GPR143: variants seen among roughly 807,000 people sequenced by gnomAD.
GPR143 encodes G-protein coupled receptor 143.
In GPR143, 8 loss-of-function variants were observed where a neutral mutation model predicts 27.6. The ratio of observed to expected loss-of-function variants is 0.29; its 90% CI spans 0.17 to 0.52. The LOEUF is 0.52. Among genes scored for constraint, GPR143 ranks in the 20% least tolerant of loss-of-function variants. GPR143 has a pLI of 0.96. For synonymous variants in GPR143, 156 were observed against 153.2 expected (o/e 1.02, Z -0.13); for missense variants, 303 against 343.1 (o/e 0.88, Z 0.92).
chrX:9,765,720 C>G lies in GPR143; in HGVS notation c.98G>C (p.Cys33Ser). 8.9e-7 allele frequency: 1 copy of G among 1,120,894 alleles called. No individual in the cohort carries two copies. The highest frequency in any genetic ancestry group is 1.2e-6 in the Non-Finnish European group (1 of 855,986). 92.4% of individuals were successfully genotyped at this position (1,120,894 alleles called of 1,213,427 possible). Residue 33 changes from cysteine (C) to serine (S), a missense_variant, in exon 1 of 9, where the codon TGC (cysteine) becomes TCC (serine). By Grantham distance (112) the Cys-to-Ser change is moderately radical. Transcript: ENST00000467482. ...SFQPRAFHAL[C>S]LGSGGLRLAL... ...CAAGCGGAGCCCGCCGCTGCCCAGG[C>G]AGAGCGCGTGGAAGGCCCGCGGCTG...
intron 3 of GPR143, among the ~76,000 whole-genome samples, chrX:9,755,262 A>G (rs1173556179): frequency 9.0e-6 from 1 of 111,259 alleles, no homozygotes; most frequent in African/African-American, 3.3e-5. Flanking sequence ...TACTAAAAAT[A>G]CAAAAATTAG....
intron 6 of GPR143, among the ~76,000 whole-genome samples, chrX:9,743,063 T>C (rs1400975463): frequency 1.8e-5 from 2 of 109,387 alleles, no homozygotes; most frequent in Non-Finnish European, 3.8e-5. Context: ...GCTGAGATCG[T>C]GCCATTGCAC....
At chrX:9,761,922 T>G (rs2146702100) in intron 1 of GPR143, among the ~76,000 whole-genome samples, 1 of 110,112 alleles carries the variant, frequency 9.1e-6, no homozygotes, top group East Asian at 2.9e-4. Flanking sequence ...ACCCCATCTC[T>G]ACAAAAATAC....
At chrX:9,750,307 G>A (rs960117353) in intron 3 of GPR143, among the ~76,000 whole-genome samples, 4 of 108,840 alleles carry the variant, frequency 3.7e-5, no homozygotes, top group Admixed American at 1.9e-4. Flanking sequence ...ATTCCTAGGC[G>A]TAAGCAACCC....
chrX:9,772,192 C>T (rs999258594), intron 1 of GPR143, among the ~76,000 whole-genome samples: 4 of 111,543 alleles, frequency 3.6e-5, no homozygotes, highest in South Asian at 3.7e-4. Context: ...GGCAAATACG[C>T]GATTTGTGTT....
chrX:9,777,792 A>G (rs372543386), intron 1 of GPR143, among the ~76,000 whole-genome samples: 214 of 20,324 alleles, frequency 0.011, 1 homozygote, highest in African/African-American at 0.036. Flanking sequence ...CCATCTCTTT[A>G]AAAAAAAAAA....
At chrX:9,757,576 T>C (rs891938511) in intron 3 of GPR143, among the ~76,000 whole-genome samples, 4 of 111,142 alleles carry the variant, frequency 3.6e-5, no homozygotes, top group Admixed American at 1.9e-4. Flanking sequence ...AGATAAGTGG[T>C]TGCTGGGGGC....
intron 5 of GPR143, among the ~76,000 whole-genome samples, chrX:9,744,438 C>A (rs1320698347): frequency 2.7e-5 from 3 of 112,003 alleles, no homozygotes; most frequent in Non-Finnish European, 5.6e-5. Flanking sequence ...GGTGCAGTGG[C>A]TCACAACTGT....
intron 8 of GPR143, among the ~76,000 whole-genome samples, chrX:9,731,800 G>C (rs1395481426): frequency 2.0e-5 from 2 of 98,303 alleles, no homozygotes; most frequent in South Asian, 6.2e-4. Flanking sequence ...AAGGAATTGG[G>C]GGGGGGGGGA....
At chrX:9,742,617 A>AT (rs2083409226) in intron 6 of GPR143, among the ~76,000 whole-genome samples, 1 of 111,778 alleles carries the variant, frequency 8.9e-6, no homozygotes, top group African/African-American at 3.3e-5. Flanking sequence ...TTCCAGTTTT[A>AT]TTTTTTGCAT....
chrX:9,767,252 G>GA (rs200312661), upstream of GPR143, among the ~76,000 whole-genome samples: 2,307 of 107,836 alleles, frequency 0.021, 62 homozygotes, highest in African/African-American at 0.073. Context: ...AAAAAGAAAA[G>GA]AAAAAAAAAT....
intron 3 of GPR143, among the ~76,000 whole-genome samples, chrX:9,752,296 G>A (rs886528287): frequency 5.4e-5 from 6 of 111,476 alleles, no homozygotes; most frequent in Admixed American, 2.9e-4. Flanking sequence ...TCAAACTCCC[G>A]GGCTCAAGCA....
rs1459029059 is a variant in GPR143 at position 9,765,796 on chromosome X, T to C, written c.22A>G (p.Thr8Ala). 3 of 1,117,874 alleles carry C rather than the reference T, an allele frequency of 2.7e-6. No homozygotes were observed. The highest frequency in any genetic ancestry group is 2.3e-6 in the Non-Finnish European group (2 of 853,575). The allele number at this position is 1,117,874 out of a possible 1,213,427, so 92.1% of individuals were successfully genotyped here. A position where few individuals can be genotyped will look rare whatever the true frequency, so the allele number is the denominator to read the frequency against. MASPRLG[T>A]FCCPTRDAAT... ...GCGTCCCGCGTGGGGCAGCAGAAGG[T>C]CCCTAGGCGCGGGGAGGCCATGGGC... Residue 8 changes from threonine to alanine, a missense_variant, in exon 1 of 9, where the codon ACC (threonine) becomes GCC (alanine). Transcript: ENST00000467482.
chrX:9,735,562 A>G (rs2083375712), intron 8 of GPR143, among the ~76,000 whole-genome samples: 1 of 111,530 alleles, frequency 9.0e-6, no homozygotes, highest in African/African-American at 3.3e-5. Flanking sequence ...CAGGTTTAAA[A>G]AAAAAAACAG....
At chrX:9,771,425 G>C (rs1227383278) in intron 1 of GPR143, among the ~76,000 whole-genome samples, 1 of 111,117 alleles carries the variant, frequency 9.0e-6, no homozygotes, top group Non-Finnish European at 1.9e-5. Flanking sequence ...AATGGTACTA[G>C]TTCAACTTTA....
chrX:9,741,605 G>A (rs2083404659), intron 6 of GPR143, 150 bp from the exon 7 acceptor site: 2 of 431,251 alleles, frequency 4.6e-6, no homozygotes, highest in African/African-American at 2.5e-5. Context: ...AAACTAAGAG[G>A]GCCAGGTGCA....
chrX:9,725,615 G>C lies in GPR143; in HGVS notation c.*131C>G, dbSNP rs1859002. On this transcript the variant is annotated 3_prime_UTR_variant, in exon 9 of 9. Coordinates refer to ENST00000467482, the MANE Select transcript of GPR143 (RefSeq NM_000273.3). ...GGCCCTTCGGGAAGAAGCTCTAGCT[G>C]GTGATGAGAGCAAGGTTTGGGGGCC... 4.3e-3 allele frequency: 2,238 copies of C among 515,760 alleles called. 38 individuals are homozygous for C. In the African/African-American group the frequency reaches 0.045, roughly 10 times the overall value. 42.5% of individuals were successfully genotyped at this position (515,760 alleles called of 1,213,427 possible). A position where few individuals can be genotyped will look rare whatever the true frequency, so the allele number is the denominator to read the frequency against.
rs140873054 is a variant in GPR143 at position 9,739,526 on chromosome X, C to T, written c.1079G>A (p.Gly360Asp). The T allele has an allele frequency of 1.2e-3, 1,434 of 1,209,078 alleles. 2 individuals carry two copies. Among genetic ancestry groups the T allele is most frequent in the Non-Finnish European group, 1.5e-3 (1,316 of 894,171 alleles). ...NPASGKVSQVGGQTSDEALSM... is the reference protein window; with the variant it reads ...NPASGKVSQVDGQTSDEALSM... ...CAGGGCTTCGTCAGAAGTCTGCCCA[C>T]CCACTTGAGACACCTTCCCGGAAGC... The change falls in exon 8 of 9, where the codon GGT becomes GAT. Residue 360 changes from glycine (G) to aspartate (D), a missense_variant. Coordinates refer to ENST00000467482, the MANE Select transcript of GPR143 (RefSeq NM_000273.3).
At chrX:9,769,794 C>G (rs1025848619), upstream of GPR143, among the ~76,000 whole-genome samples, 37 of 110,419 alleles carry the variant, frequency 3.4e-4, no homozygotes, top group Admixed American at 7.8e-4. Context: ...GTTGTCCAGG[C>G]TGGTCTCGAA....
Sources: gnomAD v4.1 joint callset for allele counts (sites outside exome capture counted in the v4.1 genomes callset) on GRCh38, gnomAD v4.1.1 for gene constraint, MANE v1.5 for transcripts, NCBI Gene and HGNC (gene_info 2026-07-23, HGNC 2026-07-21) for gene names.